Variants in ZNF536 observed in about 807,000 individuals in gnomAD.
The protein encoded by ZNF536 is zinc finger protein 536.
ZNF536 carries 13 observed loss-of-function variants against 84.5 expected under a neutral mutation model. The observed-to-expected ratio is 0.15, with a 90% CI of 0.10 to 0.24. The LOEUF (loss-of-function observed/expected upper bound fraction) is 0.24. Ranked by LOEUF, ZNF536 falls within the 10% of genes least tolerant of loss-of-function variation. The pLI, the probability that ZNF536 is intolerant of heterozygous loss-of-function variation, is 1.00. For synonymous variants in ZNF536, 811 were observed against 742.5 expected (o/e 1.09, Z -1.50); for missense variants, 1,536 against 1,747.5 (o/e 0.88, Z 2.16).
intron 1 of ZNF536, among the ~76,000 whole-genome samples, chr19:30,278,558 C>A (rs1346800989): frequency 6.6e-6 from 1 of 152,172 alleles, no homozygotes; most frequent in Non-Finnish European, 1.5e-5. Flanking sequence ...GCATCAGAAC[C>A]TTTTGGTGAA....
At chr19:30,409,116 C>T (rs903241020) in intron 1 of ZNF536, among the ~76,000 whole-genome samples, 2 of 152,152 alleles carry the variant, frequency 1.3e-5, no homozygotes, top group Non-Finnish European at 2.9e-5. Context: ...ATCATCCATT[C>T]GTCTATTCAT....
intron 1 of ZNF536, among the ~76,000 whole-genome samples, chr19:30,611,370 C>A (rs572480649): frequency 3.3e-5 from 5 of 152,098 alleles, no homozygotes; most frequent in Non-Finnish European, 5.9e-5. Context: ...AACAGGCATC[C>A]CAGAAAAGCT....
chr19:30,659,547 C>T (rs1337558728), intron 1 of ZNF536, among the ~76,000 whole-genome samples: 1 of 149,478 alleles, frequency 6.7e-6, no homozygotes, highest in Non-Finnish European at 1.5e-5. Context: ...TTAAAGGACT[C>T]ACAGTTCCAC....
Position 30,652,981 on chromosome 19 carries a change from G to A in ZNF536, c.170-57776G>A, listed in dbSNP as rs181881737. Among the ~76,000 whole-genome samples the A allele has an allele frequency of 9.2e-5, 14 of 152,264 alleles. No individual in the cohort carries two copies. The South Asian group carries it at 2.5e-3, about 27-fold the overall frequency. On this transcript the variant is annotated intron_variant, in intron 1 of 1. Coordinates refer to the ZNF536 transcript ENST00000592773. ...GTGCTGCATCCACTCTCGATGCCCCGTCAGAATCCAGGATCCTCCCAGGAC... is the reference window on the plus strand; with the variant it reads ...GTGCTGCATCCACTCTCGATGCCCCATCAGAATCCAGGATCCTCCCAGGAC...
At chr19:30,649,893 G>T (rs1161687926) in intron 1 of ZNF536, among the ~76,000 whole-genome samples, 2 of 142,132 alleles carry the variant, frequency 1.4e-5, no homozygotes, top group African/African-American at 5.6e-5. Flanking sequence ...AAGTATATTT[G>T]CTTTGATAAT....
chr19:30,595,235 C>T (rs2047418963), intron 1 of ZNF536, among the ~76,000 whole-genome samples: 1 of 152,106 alleles, frequency 6.6e-6, no homozygotes, highest in Non-Finnish European at 1.5e-5. Context: ...TGCCTTATTA[C>T]CCTCCCTCCA....
intron 2 of ZNF536, among the ~76,000 whole-genome samples, chr19:30,451,078 G>A (rs937805981): frequency 3.9e-5 from 6 of 152,254 alleles, no homozygotes; most frequent in Admixed American, 6.5e-5. Context: ...GCCAAGGCCC[G>A]TCCCCTGAGC....
intron 2 of ZNF536, among the ~76,000 whole-genome samples, chr19:30,287,080 G>A (rs2045655634): frequency 6.6e-6 from 1 of 152,240 alleles, no homozygotes; most frequent in Non-Finnish European, 1.5e-5. Flanking sequence ...CGACGTAAGA[G>A]TGGTGAGGGT....
rs748606016 is a variant in ZNF536 at position 30,549,015 on chromosome 19, C to A, written c.3396C>A (p.Asn1132Lys). 29 of 1,614,066 alleles carry A rather than the reference C, an allele frequency of 1.8e-5. No homozygotes were observed. The Middle Eastern group carries it at 1.8e-3, about 101-fold the overall frequency. Residue 1132 changes from asparagine (N) to lysine (K), a missense_variant, in exon 4 of 5, where the codon AAC (asparagine) becomes AAA (lysine). By Grantham distance (94) the Asn-to-Lys change is moderately conservative (BLOSUM62 0). Transcript: ENST00000355537. The part of the protein sequence containing the change: ...VGSGASSSCP[N>K]KEPDGKAHSE... The stretch of plus-strand genomic sequence containing the variant: ...CAGGGGCCTCCAGTTCCTGCCCCAA[C>A]AAGGAGCCTGATGGAAAGGCCCACT...
chr19:30,694,763 C>T lies in ZNF536; in HGVS notation c.170-15994C>T, dbSNP rs536419516. ...AGGAGGGTGAATGCATTTATGTCTACAGCAGTGATGGAATCTATGGTGCAG... is the reference window on the plus strand; with the variant it reads ...AGGAGGGTGAATGCATTTATGTCTATAGCAGTGATGGAATCTATGGTGCAG... On this transcript the variant is annotated intron_variant, in intron 1 of 1. Coordinates refer to the ZNF536 transcript ENST00000592773. Among the ~76,000 whole-genome samples the T allele has an allele frequency of 3.3e-5, 5 of 152,240 alleles. No individual in the cohort carries two copies. The South Asian group carries it at 1.0e-3, about 32-fold the overall frequency.
chr19:30,294,218 G>A (rs1282760629), intron 2 of ZNF536, among the ~76,000 whole-genome samples: 1 of 152,214 alleles, frequency 6.6e-6, no homozygotes, highest in African/African-American at 2.4e-5. Flanking sequence ...GGGAGTTTTA[G>A]CTGGGGAGGT....
chr19:30,283,741 GGGA>G (rs770131744), intron 1 of ZNF536, among the ~76,000 whole-genome samples: 1 of 141,032 alleles, frequency 7.1e-6, no homozygotes, highest in African/African-American at 2.8e-5. Context: ...GAGAGAGAGA[GGGA>G]GAGAGAGAGA....
intron 2 of ZNF536, among the ~76,000 whole-genome samples, chr19:30,502,355 T>C (rs181775503): frequency 1.3e-5 from 2 of 152,276 alleles, no homozygotes; most frequent in Admixed American, 1.3e-4. Flanking sequence ...ATGGTTTTTT[T>C]TAGCTAGCTA....
At chr19:30,590,921 G>A (rs993612651) in intron 1 of ZNF536, among the ~76,000 whole-genome samples, 2 of 152,244 alleles carry the variant, frequency 1.3e-5, no homozygotes, top group Non-Finnish European at 2.9e-5. Context: ...AAACTGGCAA[G>A]GGGCAAAGGG....
intron 1 of ZNF536, among the ~76,000 whole-genome samples, chr19:30,567,987 C>CATAT (rs1333088353): frequency 6.6e-6 from 1 of 152,160 alleles, no homozygotes; most frequent in Non-Finnish European, 1.5e-5. Context: ...ATAAAAGGAT[C>CATAT]ATATGTGTTT....
chr19:30,326,808 T>TTG (rs2146328801), intron 2 of ZNF536, among the ~76,000 whole-genome samples: 1 of 134,854 alleles, frequency 7.4e-6, no homozygotes, highest in African/African-American at 2.8e-5. Flanking sequence ...TTTTTTTTTT[T>TTG]TTTTTTTTTT....
intron 3 of ZNF536, among the ~76,000 whole-genome samples, chr19:30,539,882 C>T (rs1260533463): frequency 1.3e-5 from 2 of 152,094 alleles, no homozygotes; most frequent in African/African-American, 4.8e-5. Context: ...GTGGGTTTTT[C>T]GGGATGGGGT....
chr19:30,533,472 A>G (rs1215634051), intron 2 of ZNF536, among the ~76,000 whole-genome samples: 3 of 151,674 alleles, frequency 2.0e-5, no homozygotes, highest in Non-Finnish European at 4.4e-5. Flanking sequence ...ACAAGCTGTG[A>G]TTGTGCCACT....
chr19:30,227,399 C>T (rs1183454102), upstream of ZNF536, among the ~76,000 whole-genome samples: 1 of 152,112 alleles, frequency 6.6e-6, no homozygotes, highest in Non-Finnish European at 1.5e-5. Flanking sequence ...GACGCAGTGG[C>T]CAGGGGCTGG....
Sources: gnomAD v4.1 joint callset for allele counts (sites outside exome capture counted in the v4.1 genomes callset) on GRCh38, gnomAD v4.1.1 for gene constraint, MANE v1.5 for transcripts, NCBI Gene and HGNC (gene_info 2026-07-23, HGNC 2026-07-21) for gene names.